METTL21C: variants seen among roughly 807,000 people sequenced by gnomAD.
METTL21C encodes the protein protein-lysine methyltransferase METTL21C.
In METTL21C, 21 loss-of-function variants were observed where a neutral mutation model predicts 25.9. The observed-to-expected ratio is 0.81, with a 90% CI of 0.58 to 1.17. The LOEUF (loss-of-function observed/expected upper bound fraction) is 1.17, where lower values mean the gene tolerates loss of function less well. METTL21C is among the 50% of genes most tolerant of loss of function. The probability of loss-of-function intolerance (pLI) is 0.00; values close to 1 mark genes in which losing one functional copy is unlikely to be tolerated. For synonymous variants in METTL21C, 125 were observed against 124.7 expected, an observed-to-expected ratio of 1.00 and a Z score of -0.01; for missense variants, 312 against 315.1, an observed-to-expected ratio of 0.99 and a Z score of 0.07.
upstream of METTL21C, among the ~76,000 whole-genome samples, chr13:102,698,864 A>G (rs1161530287): frequency 6.6e-6 from 1 of 152,230 alleles, no homozygotes; most frequent in Non-Finnish European, 1.5e-5. Flanking sequence ...GCCTTGAGAT[A>G]TAAAGGGTCC....
intron 3 of METTL21C, among the ~76,000 whole-genome samples, 159 bp from the exon 4 acceptor site, chr13:102,686,584 G>A (rs79097980): frequency 0.011 from 1,615 of 152,220 alleles, 27 homozygotes; most frequent in African/African-American, 0.037. Context: ...TAATTCTTGT[G>A]GGTGGTCCGT....
At chr13:102,702,495 T>C in the METTL21C span, among the ~76,000 whole-genome samples, 1 of 152,308 alleles carries the variant, frequency 6.6e-6, no homozygotes, top group Non-Finnish European at 1.5e-5. Context: ...GACATGATTT[T>C]CCATATAGAA....
At chr13:102,694,234 C>T (rs968316513) in intron 1 of METTL21C, 135 bp downstream of exon 1, 2 of 927,824 alleles carry the variant, frequency 2.2e-6, no homozygotes, top group South Asian at 1.6e-5. Flanking sequence ...AAACATTTTT[C>T]TGCTAAGCTT....
At chr13:102,690,095 C>G (rs1490984141) in intron 2 of METTL21C, among the ~76,000 whole-genome samples, 1 of 152,148 alleles carries the variant, frequency 6.6e-6, no homozygotes, top group Non-Finnish European at 1.5e-5. Context: ...TCCTAAACAT[C>G]CCTACCGACA....
intron 1 of METTL21C, among the ~76,000 whole-genome samples, chr13:102,693,370 G>A (rs999956389): frequency 5.3e-5 from 8 of 152,122 alleles, no homozygotes; most frequent in African/African-American, 1.7e-4. Context: ...AGTACAAGCC[G>A]TCGCCAGCAC....
At chr13:102,696,860 A>C (rs1885954917), upstream of METTL21C, among the ~76,000 whole-genome samples, 1 of 152,054 alleles carries the variant, frequency 6.6e-6, no homozygotes, top group African/African-American at 2.4e-5. Context: ...ATTGAGCGAA[A>C]CTCTGAGTGC....
At chr13:102,702,205 AT>A in the METTL21C span, among the ~76,000 whole-genome samples, 400 of 148,854 alleles carry the variant, frequency 2.7e-3, 3 homozygotes, top group African/African-American at 9.8e-3. Flanking sequence ...ATATATATAT[AT>A]GTAGAGAGAG....
the METTL21C span, among the ~76,000 whole-genome samples, chr13:102,700,483 G>A: frequency 6.6e-6 from 1 of 152,256 alleles, no homozygotes; most frequent in African/African-American, 2.4e-5. Flanking sequence ...ACGGGTAACT[G>A]CCAGGTTTCA....
intron 1 of METTL21C, among the ~76,000 whole-genome samples, chr13:102,693,288 A>C (rs1885874847): frequency 6.6e-6 from 1 of 152,174 alleles, no homozygotes; most frequent in Non-Finnish European, 1.5e-5. Context: ...TTTAATCATA[A>C]GATTCTAACT....
the METTL21C span, among the ~76,000 whole-genome samples, chr13:102,700,589 T>G: frequency 6.6e-6 from 1 of 152,344 alleles, no homozygotes; most frequent in Non-Finnish European, 1.5e-5. Context: ...CAAGTTTGGA[T>G]GAGAAAGTCT....
At position 102,694,894 on chromosome 13, in the gene METTL21C, T is replaced by TCACA. The variant is rs1346890971; in HGVS notation, c.-397_-396insTGTG. On this transcript the variant is annotated 5_prime_UTR_variant, in exon 1 of 4. Coordinates refer to ENST00000267273, the MANE Select transcript of METTL21C (RefSeq NM_001010977.3). ...CTCTTTCTCTCTCTCTCTCTCTCTCTCTCTCTCACACACACACACACACAC... is the reference window on the plus strand; with the variant it reads ...CTCTTTCTCTCTCTCTCTCTCTCTCTCACACTCTCTCACACACACACACACACAC... 7.9e-4 allele frequency among the ~76,000 whole-genome samples: 112 copies of TCACA among 142,576 alleles called. No homozygotes were observed. Among genetic ancestry groups the TCACA allele is most frequent in the Middle Eastern group, 3.4e-3 (1 of 290 alleles). 93.5% of individuals were successfully genotyped at this position (142,576 alleles called of 152,430 possible). A position where few individuals can be genotyped will look rare whatever the true frequency, so the allele number is the denominator to read the frequency against.
the METTL21C span, among the ~76,000 whole-genome samples, chr13:102,702,249 C>T: frequency 1.3e-5 from 2 of 150,946 alleles, no homozygotes; most frequent in Non-Finnish European, 2.9e-5. Flanking sequence ...AGAGAGACTT[C>T]ATAAACCTGA....
At chr13:102,686,810 G>T in intron 3 of METTL21C, 130 bp downstream of exon 3, 1 of 695,390 alleles carries the variant, frequency 1.4e-6, no homozygotes, top group Non-Finnish European at 2.5e-6. Flanking sequence ...CCTGCCGCAT[G>T]ACATTTTGGG....
At chr13:102,689,451 C>T (rs916895385) in intron 2 of METTL21C, among the ~76,000 whole-genome samples, 1 of 152,232 alleles carries the variant, frequency 6.6e-6, no homozygotes, top group Non-Finnish European at 1.5e-5. Flanking sequence ...AGCCCTTTGG[C>T]TACCCTTCTC....
At chr13:102,702,594 T>C in the METTL21C span, among the ~76,000 whole-genome samples, 5 of 151,826 alleles carry the variant, frequency 3.3e-5, no homozygotes, top group African/African-American at 1.2e-4. Flanking sequence ...ACAGGATTTT[T>C]TTTTTTTTTT....
the METTL21C span, among the ~76,000 whole-genome samples, chr13:102,701,938 G>A: frequency 6.6e-6 from 1 of 152,098 alleles, no homozygotes; most frequent in East Asian, 1.9e-4. Flanking sequence ...GCTGAGGCGG[G>A]CAAATCACTT....
the METTL21C span, among the ~76,000 whole-genome samples, chr13:102,702,033 G>A: frequency 3.3e-5 from 5 of 151,966 alleles, no homozygotes; most frequent in East Asian, 7.7e-4. Context: ...GTGTGGTGGC[G>A]GGTGCCTGTA....
chr13:102,701,925 G>A, the METTL21C span, among the ~76,000 whole-genome samples: 2 of 152,160 alleles, frequency 1.3e-5, no homozygotes, highest in Non-Finnish European at 1.5e-5. Flanking sequence ...AGCACTTTGG[G>A]AGGCTGAGGC....
chr13:102,698,458 C>T (rs1460992164), upstream of METTL21C, among the ~76,000 whole-genome samples: 2 of 152,182 alleles, frequency 1.3e-5, no homozygotes, highest in African/African-American at 4.8e-5. Flanking sequence ...CCCTTATCTG[C>T]TCTAGAGATA....
Sources: gnomAD v4.1 joint callset for allele counts (sites outside exome capture counted in the v4.1 genomes callset) on GRCh38, gnomAD v4.1.1 for gene constraint, MANE v1.5 for transcripts, NCBI Gene and HGNC (gene_info 2026-07-23, HGNC 2026-07-21) for gene names.